ALK: variants seen among roughly 807,000 people sequenced by gnomAD.
The protein encoded by ALK is ALK receptor tyrosine kinase.
Under a neutral mutation model 163.1 loss-of-function variants are expected in ALK, and 74 were observed. The ratio of observed to expected loss-of-function variants is 0.45; its 90% CI spans 0.38 to 0.55. The LOEUF is 0.55. Among genes scored for constraint, ALK ranks in the 20% least tolerant of loss-of-function variants. The probability of loss-of-function intolerance (pLI) is 0.00; values close to 1 mark genes in which losing one functional copy is unlikely to be tolerated. For missense variants in ALK, 2,063 were observed against 2,105.3 expected, an observed-to-expected ratio of 0.98 and a Z score of 0.39; for synonymous variants, 960 against 843.2, an observed-to-expected ratio of 1.14 and a Z score of -2.40.
In ALK at chr2:29,343,197, T is replaced by A. The variant is rs201936970; in HGVS notation, c.1283-14716A>T. Among the ~76,000 whole-genome samples the A allele has an allele frequency of 6.8e-4, 95 of 139,002 alleles. 3 individuals are homozygous for A. In the East Asian group the frequency reaches 0.021, roughly 31 times the overall value. 91.2% of individuals were successfully genotyped at this position (139,002 alleles called of 152,430 possible). ...CACCGTGCCTGGCCGATCTTTTTTT[T>A]AAAATTTAAAAATTTTTTTTTTTTT... is the stretch of plus-strand genomic sequence containing the variant. On this transcript the variant is annotated intron_variant, in intron 5 of 28. Coordinates refer to ENST00000389048, the MANE Select transcript of ALK (RefSeq NM_004304.5).
chr2:29,619,651 C>T (rs1383217412), intron 3 of ALK, among the ~76,000 whole-genome samples: 1 of 152,188 alleles, frequency 6.6e-6, no homozygotes, highest in Non-Finnish European at 1.5e-5. Flanking sequence ...GAACTTAGCC[C>T]CGATGGATCG....
At chr2:29,500,187 G>A (rs1672131193) in intron 4 of ALK, among the ~76,000 whole-genome samples, 1 of 152,176 alleles carries the variant, frequency 6.6e-6, no homozygotes, top group East Asian at 1.9e-4. Context: ...CAGTGTTGGA[G>A]GTGGGACCTG....
chr2:29,249,620 G>A (rs1365369280), intron 12 of ALK, among the ~76,000 whole-genome samples: 2 of 152,140 alleles, frequency 1.3e-5, no homozygotes, highest in East Asian at 1.9e-4. Context: ...AAGCTCCTCC[G>A]ACTCCAGAGT....
intron 4 of ALK, among the ~76,000 whole-genome samples, chr2:29,499,202 G>T (rs1242617544): frequency 6.6e-6 from 1 of 151,942 alleles, no homozygotes; most frequent in Non-Finnish European, 1.5e-5. Flanking sequence ...CTTCTCCAGG[G>T]TCTCCTTTTT....
chr2:29,708,315 C>T (rs1473386112), intron 2 of ALK, among the ~76,000 whole-genome samples: 1 of 152,168 alleles, frequency 6.6e-6, no homozygotes, highest in African/African-American at 2.4e-5. Context: ...GTAATCCACC[C>T]ACCCTGGCCT....
chr2:29,609,983 C>T (rs897455396), intron 3 of ALK, among the ~76,000 whole-genome samples: 1 of 152,148 alleles, frequency 6.6e-6, no homozygotes, highest in Admixed American at 6.6e-5. Context: ...TGAGATAAAA[C>T]CAACCTCCCT....
intron 1 of ALK, among the ~76,000 whole-genome samples, chr2:29,805,747 T>A (rs532919952): frequency 6.6e-6 from 1 of 152,332 alleles, no homozygotes; most frequent in African/African-American, 2.4e-5. Flanking sequence ...CTATCGTTGA[T>A]GGGCATTTAG....
intron 1 of ALK, among the ~76,000 whole-genome samples, chr2:29,811,615 CTG>C (rs1558498818): frequency 1.3e-5 from 2 of 152,186 alleles, no homozygotes; most frequent in East Asian, 3.9e-4. Context: ...CTAACACAAA[CTG>C]ATTTCATGCC....
chr2:29,579,640 C>G (rs1674623167), intron 3 of ALK, among the ~76,000 whole-genome samples: 1 of 152,176 alleles, frequency 6.6e-6, no homozygotes, highest in Non-Finnish European at 1.5e-5. Context: ...TATGAGCCAT[C>G]CTGAGGCTTC....
intron 1 of ALK, among the ~76,000 whole-genome samples, chr2:29,831,657 T>C (rs528233455): frequency 6.6e-6 from 1 of 152,348 alleles, no homozygotes; most frequent in South Asian, 2.1e-4. Flanking sequence ...TTCTCAAGAT[T>C]CAACACCTAA....
chr2:29,417,902 C>T (rs1006050735), intron 4 of ALK, among the ~76,000 whole-genome samples: 1 of 152,156 alleles, frequency 6.6e-6, no homozygotes, highest in African/African-American at 2.4e-5. Context: ...AGTGGCTGAG[C>T]TTGTAAATTG....
At chr2:29,580,562 G>A (rs146454034) in intron 3 of ALK, among the ~76,000 whole-genome samples, 137 of 152,288 alleles carry the variant, frequency 9.0e-4, no homozygotes, top group African/African-American at 2.7e-3. Flanking sequence ...TTAGAGCCCC[G>A]TTATTACAGT....
chr2:29,669,076 G>T (rs1264718828), intron 3 of ALK, among the ~76,000 whole-genome samples: 1 of 151,946 alleles, frequency 6.6e-6, no homozygotes, highest in African/African-American at 2.4e-5. Context: ...TATCAGCAAA[G>T]ATGGGTGAAA....
At chr2:29,296,739 G>T in intron 9 of ALK, 149 bp downstream of exon 9, 1 of 794,190 alleles carries the variant, frequency 1.3e-6, no homozygotes. Context: ...GTGTGTGTGT[G>T]TGCACGTGCG....
intron 9 of ALK, 42 bp downstream of exon 9, chr2:29,296,846 T>G (rs780407335): frequency 5.0e-6 from 8 of 1,613,268 alleles, no homozygotes; most frequent in Non-Finnish European, 6.8e-6. Context: ...TCATTTTAGC[T>G]GATAGAGGAG....
chr2:29,721,402 C>A (rs1240605859), intron 1 of ALK, among the ~76,000 whole-genome samples: 2 of 152,186 alleles, frequency 1.3e-5, no homozygotes, highest in African/African-American at 4.8e-5. Context: ...ATTTTAAATT[C>A]ATCACCAGAA....
chr2:29,664,573 C>G (rs919075243), intron 3 of ALK, among the ~76,000 whole-genome samples: 1 of 152,050 alleles, frequency 6.6e-6, no homozygotes, highest in African/African-American at 2.4e-5. Flanking sequence ...TCAAGTTACC[C>G]CCATATTTAT....
intron 4 of ALK, among the ~76,000 whole-genome samples, chr2:29,509,989 T>C (rs1345842122): frequency 6.6e-6 from 1 of 152,222 alleles, no homozygotes; most frequent in Non-Finnish European, 1.5e-5. Flanking sequence ...TACCACTCTC[T>C]AGTCCAGGAT....
Position 29,356,463 on chromosome 2 carries a change from G to GA in ALK, c.1282+27268dup, listed in dbSNP as rs756904220. Among the ~76,000 whole-genome samples, 731 of 77,464 alleles carry GA rather than the reference G, an allele frequency of 9.4e-3. 2 individuals are homozygous for GA. The highest frequency in any genetic ancestry group is 0.014 in the Non-Finnish European group (528 of 38,868). 50.8% of individuals were successfully genotyped at this position (77,464 alleles called of 152,430 possible). Reference sequence around the variant, plus strand: ...CCTTCTCCACATCAGATTTAATTTGGAAAAAAAAAAGTCCCAGGGAAGAAA... The same window carrying GA: ...CCTTCTCCACATCAGATTTAATTTGGAAAAAAAAAAAGTCCCAGGGAAGAAA... On this transcript the variant is annotated intron_variant, in intron 5 of 28. Transcript: ENST00000389048.
Sources: gnomAD v4.1 joint callset for allele counts (sites outside exome capture counted in the v4.1 genomes callset) on GRCh38, gnomAD v4.1.1 for gene constraint, MANE v1.5 for transcripts, NCBI Gene and HGNC (gene_info 2026-07-23, HGNC 2026-07-21) for gene names.